CALN1: variants seen among roughly 807,000 people sequenced by gnomAD.
CALN1 encodes calcium-binding protein 8.
In CALN1, 17 loss-of-function variants were observed where a neutral mutation model predicts 30.6. That is an observed-to-expected ratio of 0.56 (90% confidence interval 0.38 to 0.83). CALN1 has a LOEUF of 0.83. Ranked by LOEUF, CALN1 falls within the 40% of genes least tolerant of loss-of-function variation. CALN1 has a pLI of 0.00. For missense variants in CALN1, 291 were observed against 354.9 expected (o/e 0.82, Z 1.45); for synonymous variants, 156 against 131.4 (o/e 1.19, Z -1.28).
chr7:72,321,247 G>A (rs562763803), intron 2 of CALN1, among the ~76,000 whole-genome samples: 2 of 152,270 alleles, frequency 1.3e-5, no homozygotes, highest in African/African-American at 2.4e-5. Flanking sequence ...ACAAAGAGCC[G>A]GGCAGGAAAC....
chr7:71,934,309 T>G (rs1355116093), intron 5 of CALN1, among the ~76,000 whole-genome samples: 1 of 152,222 alleles, frequency 6.6e-6, no homozygotes, highest in Admixed American at 6.5e-5. Context: ...TTAGTACTTA[T>G]GGGATGTGTG....
At chr7:72,181,560 C>A (rs1423746224) in intron 3 of CALN1, among the ~76,000 whole-genome samples, 1 of 151,088 alleles carries the variant, frequency 6.6e-6, no homozygotes, top group African/African-American at 2.4e-5. Flanking sequence ...CTCATTGCAA[C>A]CTTCACCCCC....
intron 3 of CALN1, among the ~76,000 whole-genome samples, chr7:72,143,239 C>T (rs565260823): frequency 2.6e-5 from 4 of 152,180 alleles, no homozygotes; most frequent in South Asian, 2.1e-4. Flanking sequence ...AAAGATGAGA[C>T]GAATGGCTTA....
intron 3 of CALN1, among the ~76,000 whole-genome samples, chr7:72,107,593 A>G (rs1464939418): frequency 6.6e-6 from 1 of 152,154 alleles, no homozygotes; most frequent in Non-Finnish European, 1.5e-5. Context: ...GATTGGATGT[A>G]TAACACAAGG....
chr7:72,361,139 C>A (rs1042195521), intron 2 of CALN1, among the ~76,000 whole-genome samples: 2 of 152,066 alleles, frequency 1.3e-5, no homozygotes, highest in South Asian at 2.1e-4. Context: ...AATTTAAATT[C>A]TCCACAGGTT....
At chr7:72,154,838 G>C (rs1195427434) in intron 3 of CALN1, among the ~76,000 whole-genome samples, 2 of 152,106 alleles carry the variant, frequency 1.3e-5, no homozygotes, top group African/African-American at 2.4e-5. Context: ...TTGAGCCTAG[G>C]AGTTGGAGAC....
At chr7:71,960,691 C>A (rs1797206443) in intron 5 of CALN1, among the ~76,000 whole-genome samples, 1 of 152,118 alleles carries the variant, frequency 6.6e-6, no homozygotes, top group Non-Finnish European at 1.5e-5. Flanking sequence ...AGTGGGATTG[C>A]TGGATTGAAT....
intron 5 of CALN1, among the ~76,000 whole-genome samples, chr7:71,905,753 T>C (rs1312537728): frequency 6.6e-6 from 1 of 151,846 alleles, no homozygotes; most frequent in Non-Finnish European, 1.5e-5. Flanking sequence ...TGCATCATTA[T>C]AAAAAAAATC....
At chr7:71,930,704 T>C (rs575864285) in intron 5 of CALN1, among the ~76,000 whole-genome samples, 1 of 152,342 alleles carries the variant, frequency 6.6e-6, no homozygotes, top group South Asian at 2.1e-4. Context: ...GAGTTAATTG[T>C]TGTGTTTGGT....
chr7:71,809,474 A>AAAAAG (rs1181032764), intron 6 of CALN1, among the ~76,000 whole-genome samples: 2 of 151,266 alleles, frequency 1.3e-5, no homozygotes, highest in South Asian at 4.2e-4. Context: ...CAAAAAAAAA[A>AAAAAG]AAAAGAAAAG....
intron 5 of CALN1, among the ~76,000 whole-genome samples, chr7:71,874,499 T>C (rs527453703): frequency 1.3e-5 from 2 of 152,222 alleles, no homozygotes; most frequent in Admixed American, 6.5e-5. Context: ...CTTCATTCTC[T>C]AGTTTGGGTT....
chr7:72,349,599 T>G (rs148599792), intron 2 of CALN1, among the ~76,000 whole-genome samples: 5 of 152,056 alleles, frequency 3.3e-5, no homozygotes, highest in African/African-American at 7.2e-5. Context: ...CAAAAGACAA[T>G]GGAACATTTT....
chr7:72,483,730 C>T, the CALN1 span, among the ~76,000 whole-genome samples: 1 of 152,122 alleles, frequency 6.6e-6, no homozygotes, highest in Non-Finnish European at 1.5e-5. Flanking sequence ...ACTCCAATTA[C>T]ACATTTATTC....
At chr7:72,151,877 A>G (rs1222311092) in intron 3 of CALN1, among the ~76,000 whole-genome samples, 1 of 142,882 alleles carries the variant, frequency 7.0e-6, no homozygotes, top group Non-Finnish European at 1.5e-5. Flanking sequence ...ACACCTGGCT[A>G]TTTTTATTTT....
chr7:71,922,439 ATAATTATATT>A (rs1406573037), intron 5 of CALN1, among the ~76,000 whole-genome samples: 2 of 144,742 alleles, frequency 1.4e-5, no homozygotes. Flanking sequence ...GTGAGTATAT[ATAATTATATT>A]TATTTATATT....
chr7:72,273,230 G>C (rs902709974), intron 3 of CALN1, among the ~76,000 whole-genome samples: 2 of 151,910 alleles, frequency 1.3e-5, no homozygotes, highest in African/African-American at 4.8e-5. Context: ...TCAGGAGTTC[G>C]AGACCAGCCT....
intron 3 of CALN1, among the ~76,000 whole-genome samples, chr7:72,140,601 G>C (rs1002210055): frequency 6.6e-6 from 1 of 152,236 alleles, no homozygotes; most frequent in Non-Finnish European, 1.5e-5. Flanking sequence ...GGCAGGCAGG[G>C]TGTGGCCAGT....
At chr7:71,811,659 G>A (rs1787963078) in intron 5 of CALN1, among the ~76,000 whole-genome samples, 2 of 144,640 alleles carry the variant, frequency 1.4e-5, no homozygotes, top group Non-Finnish European at 3.0e-5. Context: ...AGGTTTGATA[G>A]TGTCGCTTTC....
intron 3 of CALN1, among the ~76,000 whole-genome samples, chr7:72,142,417 C>T (rs948436937): frequency 6.6e-6 from 1 of 152,176 alleles, no homozygotes; most frequent in Non-Finnish European, 1.5e-5. Context: ...CGGCAGCGAG[C>T]TGGGGGAGGG....
Sources: allele counts gnomAD v4.1 joint callset (sites outside exome capture counted in the v4.1 genomes callset), GRCh38; gene constraint gnomAD v4.1.1; transcripts MANE v1.5; gene names NCBI Gene and HGNC (gene_info 2026-07-23, HGNC 2026-07-21).